UPF1: variants seen among roughly 807,000 people sequenced by gnomAD.
The protein encoded by UPF1 is UPF1 RNA helicase and ATPase, also known as regulator of nonsense transcripts 1.
A neutral mutation model predicts 129.2 loss-of-function variants in UPF1; 9 were observed. The observed-to-expected ratio is 0.07, with a 90% confidence interval of 0.04 to 0.12. The LOEUF (loss-of-function observed/expected upper bound fraction) is 0.12, where lower values mean the gene tolerates loss of function less well. Ranked by LOEUF, UPF1 falls within the 10% of genes least tolerant of loss-of-function variation. The pLI is 1.00. For synonymous variants in UPF1, 649 were observed against 644.9 expected (o/e 1.01, Z -0.10); for missense variants, 788 against 1,525.3 (o/e 0.52, Z 8.05).
rs1305929623 is a variant in UPF1 at position 18,857,528 on chromosome 19, C to T, written c.2177C>T (p.Thr726Ile). Residue 726 changes from threonine to isoleucine, a missense_variant, in exon 15 of 24, where the codon ACT becomes ATT. Around this residue, in one of 6 missense-constraint regions of UPF1, gnomAD observed 140 missense variants for 385.9 expected, o/e 0.36. Coordinates refer to ENST00000262803, the MANE Select transcript of UPF1 (RefSeq NM_002911.4). The stretch of plus-strand genomic sequence containing the variant: ...GAGGGCTCCCTCCAGAATGGTGTCA[C>T]TGCAGGTAACGGGGCTCTGCCCAGG... Reference protein sequence around the residue: ...FYEGSLQNGVTAADRVKKGFD... With the variant: ...FYEGSLQNGVIAADRVKKGFD... 2 of 1,610,974 alleles carry T rather than the reference C, an allele frequency of 1.2e-6. No homozygotes were observed. Among genetic ancestry groups the T allele is most frequent in the Non-Finnish European group, 1.7e-6 (2 of 1,178,612 alleles).
chr19:18,834,479 T>G (rs2055462441), intron 1 of UPF1, among the ~76,000 whole-genome samples: 1 of 152,158 alleles, frequency 6.6e-6, no homozygotes, highest in Non-Finnish European at 1.5e-5. Context: ...CTGAACACAC[T>G]GGGCTGTACA....
At chr19:18,838,301 C>T (rs1406767167) in intron 1 of UPF1, among the ~76,000 whole-genome samples, 2 of 151,946 alleles carry the variant, frequency 1.3e-5, no homozygotes, top group South Asian at 2.1e-4. Flanking sequence ...TGTCCATGAT[C>T]GCACCACTGC....
intron 1 of UPF1, among the ~76,000 whole-genome samples, chr19:18,845,364 T>A (rs890179524): frequency 6.6e-6 from 1 of 152,152 alleles, no homozygotes; most frequent in Non-Finnish European, 1.5e-5. Context: ...TCCTGTGCAG[T>A]TGTGGCCTGA....
At chr19:18,854,855 G>A (rs371712722) in intron 9 of UPF1, 24 bp from the exon 10 acceptor site, 7 of 1,612,860 alleles carry the variant, frequency 4.3e-6, no homozygotes, top group African/African-American at 2.7e-5. Context: ...TGTGCGTGTC[G>A]CCAACCCCAA....
chr19:18,861,883 G>T (rs1260780694), intron 17 of UPF1, 127 bp from the exon 18 acceptor site: 5 of 1,285,750 alleles, frequency 3.9e-6, no homozygotes, highest in African/African-American at 1.5e-5. Context: ...CCTAGGTGCG[G>T]TGAGCAGGCG....
chr19:18,860,455 C>G lies in UPF1; in HGVS notation c.2300+17C>G. The G allele has an allele frequency of 6.2e-7, 1 of 1,608,940 alleles. No homozygotes were observed. Among genetic ancestry groups the G allele is most frequent in the East Asian group, 2.2e-5 (1 of 44,858 alleles). ...CCTGAACAGGTGAGCAGGGACAGGC[C>G]CACCGGCGTCTGCAGGTCTTGGGGA... On this transcript the variant is annotated intron_variant, in intron 16 of 23. Coordinates refer to ENST00000262803, the MANE Select transcript of UPF1 (RefSeq NM_002911.4).
chr19:18,852,138 A>G lies in UPF1; in HGVS notation c.814A>G (p.Asn272Asp), dbSNP rs772261388. 6.2e-7 allele frequency: 1 copy of G among 1,604,008 alleles called. No individual in the cohort carries two copies. Among genetic ancestry groups the G allele is most frequent in the Non-Finnish European group, 8.5e-7 (1 of 1,175,702 alleles). ...INKLEELWKE[N>D]PSATLEDLEK... ...GCGCGGTGTTGTTGTCTTCTAGGAAAACCCTTCTGCCACGCTGGAGGACCT... is the reference window on the plus strand; with the variant it reads ...GCGCGGTGTTGTTGTCTTCTAGGAAGACCCTTCTGCCACGCTGGAGGACCT... The change falls in exon 6 of 24, where the codon AAC (asparagine) becomes GAC (aspartate). Residue 272 changes from asparagine to aspartate, a missense_variant. Asn to Asp is a conservative substitution (Grantham distance 23). Transcript: ENST00000262803.
At position 18,856,921 on chromosome 19, in the gene UPF1, G is replaced by C. The variant is rs146805409; in HGVS notation, c.1869G>C (p.Pro623=). The C allele has an allele frequency of 5.0e-6, 8 of 1,612,230 alleles. No individual in the cohort carries two copies. In the South Asian group the frequency reaches 5.5e-5, roughly 11 times the overall value. ...ICCTCVGAGD[P]RLAKMQFRSI... ...GCACATGTGTGGGCGCCGGTGACCC[G>C]AGGCTGGCCAAGATGCAGTTCCGCT... The change falls in exon 14 of 24, where the codon CCG becomes CCC. Residue 623 remains proline, a synonymous_variant. Transcript: ENST00000262803.
In UPF1 at chr19:18,852,970, G is replaced by A; in HGVS notation, c.973-17G>A. On this transcript the variant is annotated splice_polypyrimidine_tract_variant and intron_variant, in intron 6 of 23. Transcript: ENST00000262803. ...GTGCTGGAGGCTAACCGGGGCTCTTGTTTTTCATGTGCTCAGACTCAAGAT... is the reference window on the plus strand; with the variant it reads ...GTGCTGGAGGCTAACCGGGGCTCTTATTTTTCATGTGCTCAGACTCAAGAT... 6.2e-7 allele frequency: 1 copy of A among 1,609,914 alleles called. No homozygotes were observed. Among genetic ancestry groups the A allele is most frequent in the Non-Finnish European group, 8.5e-7 (1 of 1,177,062 alleles).
chr19:18,840,606 G>A (rs558335973), intron 1 of UPF1, among the ~76,000 whole-genome samples: 2 of 152,214 alleles, frequency 1.3e-5, no homozygotes, highest in African/African-American at 2.4e-5. Flanking sequence ...GTGCTCTGTG[G>A]CATTCAGGGC....
At chr19:18,849,872 G>T (rs940005880) in intron 3 of UPF1, 4 of 615,516 alleles carry the variant, frequency 6.5e-6, no homozygotes, top group Middle Eastern at 3.6e-4. Flanking sequence ...CCTTAAAGTG[G>T]TTCAAGTTGG....
rs2055653585 is a variant in UPF1, at chr19:18,851,055, C to G, written c.810+187C>G. 1.7e-6 allele frequency: 1 copy of G among 605,864 alleles called. No homozygotes were observed. The highest frequency in any genetic ancestry group is 2.6e-6 in the Non-Finnish European group (1 of 384,504). 37.5% of individuals were successfully genotyped at this position (605,864 alleles called of 1,614,324 possible). ...CTTGGTCACCTTCCATCCAGGCAGC[C>G]TTACCTGACCGAGAAGATCCTGGCC... is the stretch of plus-strand genomic sequence containing the variant. On this transcript the variant is annotated intron_variant, in intron 5 of 23. Transcript: ENST00000262803. The surrounding 1 kb of genome is among the most constrained non-coding windows in gnomAD (Gnocchi z 4.2).
chr19:18,854,245 T>C (rs886298), intron 8 of UPF1, among the ~76,000 whole-genome samples: 138,270 of 152,256 alleles, frequency 0.91, 62,954 homozygotes, highest in African/African-American at 0.97. Flanking sequence ...GAGCTCCCGG[T>C]GAGGTCCTGG....
At chr19:18,834,520 G>C (rs2055463107) in intron 1 of UPF1, among the ~76,000 whole-genome samples, 1 of 152,160 alleles carries the variant, frequency 6.6e-6, no homozygotes, top group Non-Finnish European at 1.5e-5. Context: ...TCCCCTGGAG[G>C]TAAACATTGC....
intron 1 of UPF1, among the ~76,000 whole-genome samples, chr19:18,838,315 C>T (rs1209863074): frequency 1.3e-5 from 2 of 152,048 alleles, no homozygotes; most frequent in Non-Finnish European, 2.9e-5. Context: ...CCACTGCACT[C>T]CAGCCTGGGT....
rs1338804395 is a variant in UPF1 at position 18,851,543 on chromosome 19, AT to A, written c.811-589del. Among the ~76,000 whole-genome samples, 3 of 152,022 alleles carry A rather than the reference AT, an allele frequency of 2.0e-5. No individual in the cohort carries two copies. Among genetic ancestry groups the A allele is most frequent in the Non-Finnish European group, 2.9e-5 (2 of 68,034 alleles). On this transcript the variant is annotated intron_variant, in intron 5 of 23. Coordinates refer to ENST00000262803, the MANE Select transcript of UPF1 (RefSeq NM_002911.4). The surrounding 1 kb of genome is among the most constrained non-coding windows in gnomAD (Gnocchi z 4.2). Reference sequence around the variant, plus strand: ...ACTTGGATTTTCCGGTTGCCAGATGATTTCATGATTCCCGTTTATATCTGAA... The same window carrying A: ...ACTTGGATTTTCCGGTTGCCAGATGATTCATGATTCCCGTTTATATCTGAA...
Position 18,853,821 on chromosome 19 carries a change from G to T in UPF1, c.1156+471G>T, listed in dbSNP as rs1342716390. ...GACCTCATGGTGATGCAGCCTGCCG[G>T]CCAGAGTGGGGCAGCTGTAAGGCAC... On this transcript the variant is annotated intron_variant, in intron 8 of 23. Transcript: ENST00000262803. This position sits in a 1 kb window ranked among gnomAD's most constrained non-coding sequence, Gnocchi z 4.4. Among the ~76,000 whole-genome samples, 1 of 152,208 alleles carries T rather than the reference G, an allele frequency of 6.6e-6. No individual in the cohort carries two copies. The highest frequency in any genetic ancestry group is 6.5e-5 in the Admixed American group (1 of 15,280).
intron 1 of UPF1, among the ~76,000 whole-genome samples, chr19:18,843,593 A>G (rs2055565180): frequency 7.4e-6 from 1 of 135,336 alleles, no homozygotes; most frequent in Non-Finnish European, 1.5e-5. Context: ...ATCTCGGCTC[A>G]CTGCAACCTC....
rs1241260581 is a variant in UPF1, at chr19:18,860,533, C to CT, written c.2300+102dup. On this transcript the variant is annotated intron_variant, in intron 16 of 23. Transcript: ENST00000262803. Reference sequence around the variant, plus strand: ...ACTTATTTTTAACATGGGACTGAAACTTTTTTTGCCTTCATTTCCTGTTTA... The same window carrying CT: ...ACTTATTTTTAACATGGGACTGAAACTTTTTTTTGCCTTCATTTCCTGTTTA... 6.3e-6 allele frequency: 8 copies of CT among 1,259,882 alleles called. No homozygotes were observed. In the African/African-American group the frequency reaches 1.0e-4, roughly 16 times the overall value. The allele number at this position is 1,259,882 out of a possible 1,614,324, so 78.0% of individuals were successfully genotyped here.
Sources: gnomAD v4.1 joint callset for allele counts (sites outside exome capture counted in the v4.1 genomes callset) on GRCh38, gnomAD v4.1.1 for gene constraint, gnomAD v4.1.1 regional missense constraint, Gnocchi (gnomAD v3.1) non-coding constraint, MANE v1.5 for transcripts, NCBI Gene and HGNC (gene_info 2026-07-23, HGNC 2026-07-21) for gene names.